The following PPP2R2A variants were observed in gnomAD, a reference collection of about 807,000 sequenced individuals.
PPP2R2A encodes protein phosphatase 2 regulatory subunit Balpha.
A neutral mutation model predicts 53.2 loss-of-function variants in PPP2R2A; 9 were observed. The observed-to-expected ratio is 0.17, with a 90% confidence interval of 0.10 to 0.30. The LOEUF is 0.30. Among genes scored for constraint, PPP2R2A ranks in the 10% least tolerant of loss-of-function variants. The pLI is 1.00. For missense variants in PPP2R2A, 235 were observed against 534.6 expected (o/e 0.44, Z 5.53); for synonymous variants, 169 against 174.2 (o/e 0.97, Z 0.23).
chr8:26,359,451 A>G (rs1804963798), intron 4 of PPP2R2A, among the ~76,000 whole-genome samples: 1 of 152,232 alleles, frequency 6.6e-6, no homozygotes, highest in African/African-American at 2.4e-5. Context: ...TATATGGAAC[A>G]CTGCAATTCT....
At chr8:26,329,942 C>T (rs981248477) in intron 2 of PPP2R2A, among the ~76,000 whole-genome samples, 4 of 152,140 alleles carry the variant, frequency 2.6e-5, no homozygotes, top group Admixed American at 6.5e-5. Context: ...CTACATTTAA[C>T]ACTGAACCCT....
At chr8:26,308,677 GT>G in intron 2 of PPP2R2A, among the ~76,000 whole-genome samples, 1 of 152,208 alleles carries the variant, frequency 6.6e-6, no homozygotes, top group Admixed American at 6.5e-5. Context: ...GGAGTTATCC[GT>G]GAGTACTGGA....
intron 4 of PPP2R2A, among the ~76,000 whole-genome samples, chr8:26,359,377 G>A (rs902423147): frequency 5.3e-5 from 8 of 152,164 alleles, no homozygotes; most frequent in African/African-American, 1.2e-4. Flanking sequence ...CAAAGTCGAC[G>A]TCTTAGTTTT....
intron 6 of PPP2R2A, among the ~76,000 whole-genome samples, 187 bp downstream of exon 6, chr8:26,361,338 G>A (rs564837973): frequency 1.3e-5 from 2 of 152,092 alleles, no homozygotes; most frequent in African/African-American, 2.4e-5. Context: ...AAACATAAAG[G>A]GCATAATGTA....
chr8:26,354,497 A>G lies in PPP2R2A; in HGVS notation c.210A>G (p.Glu70=), dbSNP rs761064909. Residue 70 remains glutamate, a synonymous_variant, in exon 4 of 10, where the codon GAA becomes GAG. Transcript: ENST00000380737. The surrounding 1 kb of genome is among the most constrained non-coding windows in gnomAD (Gnocchi z 4.6). ...AAATCCAGTCTCATAGCAGAGGAGAATATAATGTTTACAGCACCTTCCAGA... is the reference window on the plus strand; with the variant it reads ...AAATCCAGTCTCATAGCAGAGGAGAGTATAATGTTTACAGCACCTTCCAGA... ...ENKIQSHSRG[E]YNVYSTFQSH... 1 of 1,597,288 alleles carries G rather than the reference A, an allele frequency of 6.3e-7. No individual in the cohort carries two copies. The highest frequency in any genetic ancestry group is 8.5e-7 in the Non-Finnish European group (1 of 1,170,234).
intron 9 of PPP2R2A, among the ~76,000 whole-genome samples, chr8:26,368,378 G>A (rs1805488715): frequency 6.6e-6 from 1 of 152,204 alleles, no homozygotes. Context: ...TTGGTAAGCA[G>A]CGGTAGCAGA....
At chr8:26,311,266 A>C (rs1002363231) in intron 2 of PPP2R2A, among the ~76,000 whole-genome samples, 2 of 152,224 alleles carry the variant, frequency 1.3e-5, no homozygotes, top group African/African-American at 4.8e-5. Flanking sequence ...AATTAACAGA[A>C]TTAACAGTTG....
chr8:26,297,445 A>G (rs1474330746), intron 2 of PPP2R2A, among the ~76,000 whole-genome samples: 1 of 152,188 alleles, frequency 6.6e-6, no homozygotes, highest in Admixed American at 6.5e-5. Flanking sequence ...GGTAAGCTAG[A>G]TTGTTTGAGA....
chr8:26,360,452 A>G lies in PPP2R2A; in HGVS notation c.459+171A>G. On this transcript the variant is annotated intron_variant, in intron 5 of 9. Coordinates refer to ENST00000380737, the MANE Select transcript of PPP2R2A (RefSeq NM_002717.4). The surrounding 1 kb of genome is among the most constrained non-coding windows in gnomAD (Gnocchi z 4.5). ...CATTTAAACATAGAAACTGACCTAC[A>G]TAGAGGTCTCACTTTGGCCAGGGAC... 1 of 421,254 alleles carries G rather than the reference A, an allele frequency of 2.4e-6. No individual in the cohort carries two copies. Among genetic ancestry groups the G allele is most frequent in the Non-Finnish European group, 4.2e-6 (1 of 239,126 alleles). 26.1% of individuals were successfully genotyped at this position (421,254 alleles called of 1,614,324 possible).
At chr8:26,313,736 A>C (rs1299552607) in intron 2 of PPP2R2A, among the ~76,000 whole-genome samples, 1 of 152,218 alleles carries the variant, frequency 6.6e-6, no homozygotes, top group African/African-American at 2.4e-5. Context: ...TTGCAAGGAA[A>C]GGGTCACAAG....
chr8:26,303,821 A>T (rs1045264402), intron 2 of PPP2R2A, among the ~76,000 whole-genome samples: 2 of 152,198 alleles, frequency 1.3e-5, no homozygotes, highest in African/African-American at 4.8e-5. Flanking sequence ...GTAGTTGATT[A>T]CAATATCATC....
chr8:26,341,711 T>G (rs1803951462), intron 3 of PPP2R2A, among the ~76,000 whole-genome samples: 1 of 152,194 alleles, frequency 6.6e-6, no homozygotes, highest in Non-Finnish European at 1.5e-5. Flanking sequence ...ACACTGGCAT[T>G]TGATCTATTG....
At chr8:26,297,017 C>G (rs1006661777) in intron 2 of PPP2R2A, among the ~76,000 whole-genome samples, 1 of 152,060 alleles carries the variant, frequency 6.6e-6, no homozygotes, top group Non-Finnish European at 1.5e-5. Context: ...GTGTGTTTAG[C>G]AATGGAATAA....
intron 9 of PPP2R2A, among the ~76,000 whole-genome samples, chr8:26,368,422 G>T (rs896089130): frequency 6.6e-6 from 1 of 152,180 alleles, no homozygotes; most frequent in Non-Finnish European, 1.5e-5. Flanking sequence ...AACTTACGAA[G>T]TTTTGTTTGT....
In PPP2R2A at chr8:26,354,869, T is replaced by C. The variant is rs1294615417; in HGVS notation, c.346+236T>C. 6.6e-6 allele frequency among the ~76,000 whole-genome samples: 1 copy of C among 152,226 alleles called. No homozygotes were observed. The highest frequency in any genetic ancestry group is 1.5e-5 in the Non-Finnish European group (1 of 68,038). On this transcript the variant is annotated intron_variant, in intron 4 of 9. Coordinates refer to ENST00000380737, the MANE Select transcript of PPP2R2A (RefSeq NM_002717.4). The surrounding 1 kb of genome is among the most constrained non-coding windows in gnomAD (Gnocchi z 4.6). The stretch of plus-strand genomic sequence containing the variant: ...CCAATTTGTAGTGAAAAGAATGGGC[T>C]GCTATACCATTGGATTTAGGTCAGG...
chr8:26,370,052 A>G lies in PPP2R2A; in HGVS notation c.1065-82A>G, dbSNP rs549012087. The G allele has an allele frequency of 7.2e-5, 103 of 1,432,492 alleles. No homozygotes were observed. The highest frequency in any genetic ancestry group is 6.4e-4 in the Middle Eastern group (3 of 4,694). The allele number at this position is 1,432,492 out of a possible 1,614,324, so 88.7% of individuals were successfully genotyped here. A position where few individuals can be genotyped will look rare whatever the true frequency, so the allele number is the denominator to read the frequency against. On this transcript the variant is annotated intron_variant, in intron 9 of 9. Coordinates refer to ENST00000380737, the MANE Select transcript of PPP2R2A (RefSeq NM_002717.4). This position sits in a 1 kb window ranked among gnomAD's most constrained non-coding sequence, Gnocchi z 6.1. ...AAATCTGCTTTTGAAGTAGCTTCCT[A>G]TGGTTTAATTGCCGAATCATTTTAC...
intron 2 of PPP2R2A, among the ~76,000 whole-genome samples, chr8:26,317,930 C>A (rs1482556516): frequency 6.6e-6 from 1 of 152,130 alleles, no homozygotes; most frequent in African/African-American, 2.4e-5. Flanking sequence ...CTATCTAGCC[C>A]ATGGGGGAGA....
rs531155714 is a variant in PPP2R2A, at chr8:26,362,263, G to A, written c.638-421G>A. ...TCCCAGCACTTTGGGAGGCTGAGGC[G>A]AGGCGGATGGATCATGAGGTCAGGA... On this transcript the variant is annotated intron_variant, in intron 6 of 9. Coordinates refer to ENST00000380737, the MANE Select transcript of PPP2R2A (RefSeq NM_002717.4). This position sits in a 1 kb window ranked among gnomAD's most constrained non-coding sequence, Gnocchi z 4.4. Among the ~76,000 whole-genome samples the A allele has an allele frequency of 1.3e-5, 2 of 151,370 alleles. No individual in the cohort carries two copies. Among genetic ancestry groups the A allele is most frequent in the African/African-American group, 2.4e-5 (1 of 41,276 alleles).
At chr8:26,308,002 A>C (rs1265383150) in intron 2 of PPP2R2A, among the ~76,000 whole-genome samples, 1 of 152,254 alleles carries the variant, frequency 6.6e-6, no homozygotes, top group Admixed American at 6.5e-5. Context: ...TAATAAAGCA[A>C]ATATTGCAAT....
Sources: allele counts gnomAD v4.1 joint callset (sites outside exome capture counted in the v4.1 genomes callset), GRCh38; gene constraint gnomAD v4.1.1; non-coding constraint Gnocchi (gnomAD v3.1); transcripts MANE v1.5; gene names NCBI Gene and HGNC (gene_info 2026-07-23, HGNC 2026-07-21).